Variants in ZZEF1 observed in about 807,000 individuals in gnomAD.
ZZEF1 encodes zinc finger ZZ-type and EF-hand domain containing 1.
A neutral mutation model predicts 342.8 loss-of-function variants in ZZEF1; 157 were observed. That is an observed-to-expected ratio of 0.46 (90% CI 0.40 to 0.52). ZZEF1 has a LOEUF of 0.52. Among genes scored for constraint, ZZEF1 ranks in the 20% least tolerant of loss-of-function variants. ZZEF1 has a pLI of 0.00. For missense variants in ZZEF1, 3,480 were observed against 3,725.6 expected (o/e 0.93, Z 1.72); for synonymous variants, 1,505 against 1,429.1 (o/e 1.05, Z -1.20).
intron 5 of ZZEF1, among the ~76,000 whole-genome samples, chr17:4,110,630 T>C (rs936554894): frequency 2.0e-5 from 3 of 152,020 alleles, no homozygotes; most frequent in African/African-American, 4.8e-5. Flanking sequence ...CAAAATGCTA[T>C]GTTTAAAGCA....
chr17:4,007,778 G>A (rs190373040), intron 54 of ZZEF1, among the ~76,000 whole-genome samples: 283 of 152,250 alleles, frequency 1.9e-3, no homozygotes, highest in Non-Finnish European at 3.3e-3. Context: ...ACTTCCGAGC[G>A]TACACGTCAA....
At chr17:4,085,575 G>T in intron 16 of ZZEF1, 95 bp downstream of exon 16, 1 of 1,482,412 alleles carries the variant, frequency 6.7e-7, no homozygotes, top group Non-Finnish European at 9.2e-7. Context: ...CATCTGGGAC[G>T]TTGCAACAGA....
chr17:4,035,589 C>T (rs953136903), intron 39 of ZZEF1, among the ~76,000 whole-genome samples: 5 of 152,150 alleles, frequency 3.3e-5, no homozygotes, highest in African/African-American at 4.8e-5. Flanking sequence ...GCTTGGGCTC[C>T]GAGTGAGGTG....
At chr17:4,141,117 C>T (rs1167717338) in intron 1 of ZZEF1, among the ~76,000 whole-genome samples, 2 of 152,168 alleles carry the variant, frequency 1.3e-5, no homozygotes, top group African/African-American at 4.8e-5. Context: ...CCACGTTGGC[C>T]AGGCTGGTCT....
rs983266799 is a variant in ZZEF1 at position 4,059,365 on chromosome 17, C to A, written c.4884-75G>T. ...TCTTAATAATAATAATGATTTCTTACATGAAAAAGAGCAAGTGGCAGTCAG... is the reference window on the plus strand; with the variant it reads ...TCTTAATAATAATAATGATTTCTTAAATGAAAAAGAGCAAGTGGCAGTCAG... On this transcript the variant is annotated intron_variant, in intron 30 of 54. Transcript: ENST00000381638. 47 of 1,543,190 alleles carry A rather than the reference C, an allele frequency of 3.0e-5. No individual in the cohort carries two copies. The African/African-American group carries it at 6.2e-4, about 20-fold the overall frequency.
At chr17:4,052,461 G>C (rs984329488) in intron 34 of ZZEF1, among the ~76,000 whole-genome samples, 1 of 152,190 alleles carries the variant, frequency 6.6e-6, no homozygotes, top group Non-Finnish European at 1.5e-5. Flanking sequence ...AGCTTCTGTT[G>C]ATGTATTCCT....
At chr17:4,048,625 T>TA (rs1384055770) in intron 37 of ZZEF1, among the ~76,000 whole-genome samples, 15 of 152,192 alleles carry the variant, frequency 9.9e-5, no homozygotes, top group Admixed American at 2.6e-4. Flanking sequence ...GTCTACCCGG[T>TA]AAACAGTAAG....
chr17:4,066,539 A>G lies in ZZEF1; in HGVS notation c.4157T>C (p.Leu1386Ser). ...SLADGIRIWM[L>S]EMKQKSLMSL... The stretch of plus-strand genomic sequence containing the variant: ...CATCAGGGACTTCTGCTTCATCTCT[A>G]ACTAGGGGAGAATTTGAGCCACATC... Residue 1386 changes from leucine (L) to serine (S), a missense_variant and splice_region_variant, in exon 28 of 55, where the codon TTA becomes TCA. This residue lies in a region of ZZEF1 where 1,528 missense variants were observed against 1,624.1 expected (regional missense o/e 0.94). Transcript: ENST00000381638. The G allele has an allele frequency of 6.2e-7, 1 of 1,613,974 alleles. No homozygotes were observed. Among genetic ancestry groups the G allele is most frequent in the Non-Finnish European group, 8.5e-7 (1 of 1,179,970 alleles).
At chr17:4,051,840 A>T in intron 35 of ZZEF1, 131 bp downstream of exon 35, 2 of 887,358 alleles carry the variant, frequency 2.3e-6, no homozygotes, top group Non-Finnish European at 3.3e-6. Flanking sequence ...TCACTGTGTT[A>T]GTCTCTTTAC....
chr17:4,009,577 G>A, intron 53 of ZZEF1, 27 bp downstream of exon 53: 1 of 1,611,626 alleles, frequency 6.2e-7, no homozygotes, highest in Non-Finnish European at 8.5e-7. Context: ...GAGGCACCGG[G>A]CTCCCTGCCC....
intron 39 of ZZEF1, among the ~76,000 whole-genome samples, chr17:4,034,965 C>T (rs1000007857): frequency 2.6e-5 from 4 of 152,188 alleles, no homozygotes; most frequent in Non-Finnish European, 5.9e-5. Context: ...GCCAACTGCA[C>T]TCCTGCCTGG....
intron 24 of ZZEF1, 139 bp downstream of exon 24, chr17:4,074,011 T>C (rs1022592410): frequency 2.0e-5 from 20 of 981,008 alleles, no homozygotes; most frequent in South Asian, 1.4e-4. Flanking sequence ...GGACACTTTA[T>C]TCTTTCGGTT....
intron 11 of ZZEF1, among the ~76,000 whole-genome samples, chr17:4,091,619 T>C (rs1486572024): frequency 6.6e-6 from 1 of 151,646 alleles, no homozygotes; most frequent in East Asian, 1.9e-4. Flanking sequence ...CTACTAAACA[T>C]ACAAAAAATT....
chr17:4,056,461 G>C (rs1198926596), intron 32 of ZZEF1, 116 bp from the exon 33 acceptor site: 15 of 1,103,604 alleles, frequency 1.4e-5, no homozygotes, highest in Non-Finnish European at 1.8e-5. Context: ...CAACTTCTGA[G>C]AGGGAAAGGT....
In ZZEF1 at chr17:4,044,479, CT is replaced by C. The variant is rs1476697825; in HGVS notation, c.6016-106del. On this transcript the variant is annotated intron_variant, in intron 37 of 54. Coordinates refer to ENST00000381638, the MANE Select transcript of ZZEF1 (RefSeq NM_015113.4). Reference sequence around the variant, plus strand: ...TAGCCAGTCTTCATAGACTAAAAAACTTTTGAATGCCATTAGAAAATGCCAC... The same window carrying C: ...TAGCCAGTCTTCATAGACTAAAAAACTTTGAATGCCATTAGAAAATGCCAC... 6 of 997,148 alleles carry C rather than the reference CT, an allele frequency of 6.0e-6. No individual in the cohort carries two copies. The East Asian group carries it at 1.6e-4, about 26-fold the overall frequency. 61.8% of individuals were successfully genotyped at this position (997,148 alleles called of 1,614,324 possible). A position where few individuals can be genotyped will look rare whatever the true frequency, so the allele number is the denominator to read the frequency against.
intron 31 of ZZEF1, among the ~76,000 whole-genome samples, chr17:4,058,517 G>A (rs2057216299): frequency 6.6e-6 from 1 of 152,198 alleles, no homozygotes; most frequent in Non-Finnish European, 1.5e-5. Flanking sequence ...TAAGGCTTAT[G>A]TCTAAACCAT....
intron 1 of ZZEF1, 127 bp downstream of exon 1, chr17:4,142,415 G>A (rs898915814): frequency 3.0e-6 from 3 of 1,005,276 alleles, no homozygotes; most frequent in South Asian, 3.1e-5. Flanking sequence ...CAAACGCCTG[G>A]TGAAAAGCTG....
rs748157652 is a variant in ZZEF1 at position 4,095,990 on chromosome 17, A to C, written c.1765-11T>G. On this transcript the variant is annotated splice_polypyrimidine_tract_variant and intron_variant, in intron 10 of 54. Transcript: ENST00000381638. ...GCCACCACGTCGAACCTGGAAACAG[A>C]GATTAGGATGAAGTCTATCAAAGGG... 1.9e-6 allele frequency: 3 copies of C among 1,602,398 alleles called. No homozygotes were observed. Among genetic ancestry groups the C allele is most frequent in the Admixed American group, 3.4e-5 (2 of 58,580 alleles).
Position 4,024,971 on chromosome 17 carries a change from T to C in ZZEF1, c.7040A>G (p.Glu2347Gly). The C allele has an allele frequency of 1.2e-6, 2 of 1,614,188 alleles. No individual in the cohort carries two copies. The highest frequency in any genetic ancestry group is 1.7e-6 in the Non-Finnish European group (2 of 1,180,030). ...SMDSHCPEAV[E>G]ATWVLSLALK... ...GGCCAGGGACAGGACCCAAGTTGCT[T>C]CTACTGCCTCGGGACAATGGCTGTC... The change falls in exon 43 of 55, where the codon GAA becomes GGA. Residue 2347 changes from glutamate (E) to glycine (G), a missense_variant. Physicochemically the swap from Glu to Gly is moderately conservative, Grantham distance 98. Coordinates refer to ENST00000381638, the MANE Select transcript of ZZEF1 (RefSeq NM_015113.4).
Sources: gnomAD v4.1 joint callset for allele counts (sites outside exome capture counted in the v4.1 genomes callset) on GRCh38, gnomAD v4.1.1 for gene constraint, gnomAD v4.1.1 regional missense constraint, MANE v1.5 for transcripts, NCBI Gene and HGNC (gene_info 2026-07-23, HGNC 2026-07-21) for gene names.